C8A: variants seen among roughly 807,000 people sequenced by gnomAD.
C8A encodes the protein complement C8 alpha chain.
Under a neutral mutation model 65.3 loss-of-function variants are expected in C8A, and 67 were observed. The ratio of observed to expected loss-of-function variants is 1.03; its 90% CI spans 0.84 to 1.26. The LOEUF (loss-of-function observed/expected upper bound fraction) is 1.26, where lower values mean the gene tolerates loss of function less well. Among genes scored for constraint, C8A ranks in the 50% most tolerant of loss-of-function variants. C8A has a pLI of 0.00. For missense variants in C8A, 781 were observed against 723.9 expected (o/e 1.08, Z -0.90); for synonymous variants, 290 against 259.4 (o/e 1.12, Z -1.13).
intron 1 of C8A, among the ~76,000 whole-genome samples, chr1:56,862,806 C>A (rs916002597): frequency 1.3e-5 from 2 of 152,054 alleles, no homozygotes; most frequent in Non-Finnish European, 2.9e-5. Flanking sequence ...AAAATATTTT[C>A]CAAGATTTAT....
At chr1:56,907,802 C>A (rs1644477548) in intron 8 of C8A, among the ~76,000 whole-genome samples, 154 bp from the exon 9 acceptor site, 1 of 151,532 alleles carries the variant, frequency 6.6e-6, no homozygotes, top group Non-Finnish European at 1.5e-5. Context: ...TTCCCTTCTG[C>A]CTTGTCCTGC....
In C8A at chr1:56,906,755, A is replaced by G. The variant is rs762442672; in HGVS notation, c.1185A>G (p.Ser395=). ...EDKINVGGGL[S]GDHCKKFGGG... ...AAATAAATGTTGGTGGAGGTTTATC[A>G]GGAGACCATTGTAAAAAATTTGGAG... is the stretch of plus-strand genomic sequence containing the variant. The change falls in exon 8 of 11, where the codon TCA becomes TCG. Residue 395 remains serine (S), a synonymous_variant. Coordinates refer to ENST00000361249, the MANE Select transcript of C8A (RefSeq NM_000562.3). 8 of 1,614,010 alleles carry G rather than the reference A, an allele frequency of 5.0e-6. No homozygotes were observed. The highest frequency in any genetic ancestry group is 6.8e-6 in the Non-Finnish European group (8 of 1,179,976).
At chr1:56,911,921 C>T (rs1369352208) in intron 9 of C8A, among the ~76,000 whole-genome samples, 1 of 152,292 alleles carries the variant, frequency 6.6e-6, no homozygotes, top group African/African-American at 2.4e-5. Context: ...GATGAGTTGG[C>T]ACAAATAACT....
In C8A at chr1:56,912,497, T is replaced by C; in HGVS notation, c.1475T>C (p.Met492Thr). The change falls in exon 10 of 11, where the codon ATG (methionine) becomes ACG (threonine). Residue 492 changes from methionine to threonine, a missense_variant. Transcript: ENST00000361249. The stretch of plus-strand genomic sequence containing the variant: ...CGCCGCGCCTTGGACCAGTATCTGA[T>C]GGAATTCAATGCCTGCCGATGTGGG... ...NLRRALDQYL[M>T]EFNACRCGPC... The C allele has an allele frequency of 1.2e-6, 2 of 1,614,236 alleles. No homozygotes were observed. Among genetic ancestry groups the C allele is most frequent in the Non-Finnish European group, 1.7e-6 (2 of 1,180,042 alleles).
chr1:56,901,664 G>A (rs1325012964), intron 7 of C8A, among the ~76,000 whole-genome samples: 1 of 152,134 alleles, frequency 6.6e-6, no homozygotes, highest in African/African-American at 2.4e-5. Context: ...CCACTCTGGA[G>A]TTTAAGTCAC....
At chr1:56,893,007 C>T (rs949080304) in intron 7 of C8A, among the ~76,000 whole-genome samples, 9 of 152,146 alleles carry the variant, frequency 5.9e-5, no homozygotes, top group Non-Finnish European at 1.0e-4. Flanking sequence ...CTCACAAAAA[C>T]AGCCGTAGCC....
At chr1:56,863,450 T>C (rs1431849610) in intron 1 of C8A, among the ~76,000 whole-genome samples, 1 of 152,216 alleles carries the variant, frequency 6.6e-6, no homozygotes, top group African/African-American at 2.4e-5. Flanking sequence ...CACCAACTGC[T>C]CTCTGTCTAG....
At chr1:56,914,903 C>T (rs867208556) in intron 10 of C8A, among the ~76,000 whole-genome samples, 3 of 152,162 alleles carry the variant, frequency 2.0e-5, no homozygotes, top group Non-Finnish European at 4.4e-5. Context: ...GTCTCGAACT[C>T]CTAGTCTCAA....
intron 3 of C8A, 63 bp downstream of exon 3, chr1:56,875,156 C>T: frequency 6.4e-7 from 1 of 1,573,994 alleles, no homozygotes; most frequent in South Asian, 1.1e-5. Flanking sequence ...AAACACTTCC[C>T]CAGGGAGCTT....
Position 56,860,877 on chromosome 1 carries a change from A to G in C8A, c.77+5899A>G, listed in dbSNP as rs143903632. Among the ~76,000 whole-genome samples the G allele has an allele frequency of 4.9e-3, 748 of 152,334 alleles. 3 individuals are homozygous for G. Among genetic ancestry groups the G allele is most frequent in the African/African-American group, 0.017 (714 of 41,586 alleles). ...AATTCCAGTTTTTGGAGAACTGGCC[A>G]GAGGCAGGAAGAGAGTGAGGAGGAA... On this transcript the variant is annotated intron_variant, in intron 1 of 10. Coordinates refer to ENST00000361249, the MANE Select transcript of C8A (RefSeq NM_000562.3).
At position 56,871,630 on chromosome 1, in the gene C8A, T is replaced by G. The variant is rs115431402; in HGVS notation, c.172-3319T>G. On this transcript the variant is annotated intron_variant, in intron 2 of 10. Transcript: ENST00000361249. ...TAGGTGGCAGAGCTGGAATTCTAAC[T>G]CAGCTCAAAATGGGTTTCCCATAGT... Among the ~76,000 whole-genome samples the G allele has an allele frequency of 5.0e-3, 762 of 152,308 alleles. 6 individuals are homozygous for G. Among genetic ancestry groups the G allele is most frequent in the African/African-American group, 0.018 (742 of 41,580 alleles).
chr1:56,904,558 GA>G (rs1644449647), intron 7 of C8A, among the ~76,000 whole-genome samples: 2 of 152,296 alleles, frequency 1.3e-5, no homozygotes, highest in South Asian at 4.1e-4. Flanking sequence ...TCTTTTGTCT[GA>G]GGCAATAACT....
chr1:56,909,994 C>T (rs1294552981), intron 9 of C8A, among the ~76,000 whole-genome samples: 1 of 152,092 alleles, frequency 6.6e-6, no homozygotes, highest in African/African-American at 2.4e-5. Flanking sequence ...CACGGGCAGG[C>T]TTTATAGCAG....
At chr1:56,902,306 C>T (rs890155858) in intron 7 of C8A, among the ~76,000 whole-genome samples, 2 of 152,150 alleles carry the variant, frequency 1.3e-5, no homozygotes, top group South Asian at 4.1e-4. Flanking sequence ...ACAAATAAAC[C>T]TTATTCTTCT....
At chr1:56,867,866 G>C (rs975977591) in intron 2 of C8A, among the ~76,000 whole-genome samples, 164 bp downstream of exon 2, 23 of 151,782 alleles carry the variant, frequency 1.5e-4, no homozygotes, top group African/African-American at 5.4e-4. Context: ...ACTTGTTTCC[G>C]TGTCTCCTAA....
chr1:56,877,113 G>A (rs1644205865), intron 4 of C8A, among the ~76,000 whole-genome samples: 2 of 152,160 alleles, frequency 1.3e-5, no homozygotes, highest in South Asian at 4.1e-4. Context: ...AGACATGTGA[G>A]GACACAGCGA....
At chr1:56,897,461 G>C (rs564193231) in intron 7 of C8A, among the ~76,000 whole-genome samples, 7 of 152,306 alleles carry the variant, frequency 4.6e-5, no homozygotes, top group African/African-American at 1.7e-4. Context: ...TGGAACACAA[G>C]ATGCGGGCTC....
intron 10 of C8A, among the ~76,000 whole-genome samples, chr1:56,913,313 G>A (rs2101312904): frequency 6.6e-6 from 1 of 152,296 alleles, no homozygotes; most frequent in Non-Finnish European, 1.5e-5. Context: ...ATCTTTTGAG[G>A]AAACACAATT....
intron 1 of C8A, among the ~76,000 whole-genome samples, chr1:56,860,851 G>A (rs1445594205): frequency 6.6e-6 from 1 of 152,198 alleles, no homozygotes; most frequent in Non-Finnish European, 1.5e-5. Context: ...GCACTTTGAG[G>A]AATTCCAGTT....
Sources: allele counts gnomAD v4.1 joint callset (sites outside exome capture counted in the v4.1 genomes callset), GRCh38; gene constraint gnomAD v4.1.1; transcripts MANE v1.5; gene names NCBI Gene and HGNC (gene_info 2026-07-23, HGNC 2026-07-21).